Variants in SMCO1 observed in about 807,000 individuals in gnomAD.
SMCO1 encodes single-pass membrane and coiled-coil domain-containing protein 1.
SMCO1 carries 9 observed loss-of-function variants against 7.5 expected under a neutral mutation model. The observed-to-expected ratio is 1.20, with a 90% confidence interval of 0.72 to 2.09. The LOEUF (loss-of-function observed/expected upper bound fraction) is 2.09, where lower values mean the gene tolerates loss of function less well. SMCO1 is among the 30% of genes most tolerant of loss of function. The pLI is 0.00. For synonymous variants in SMCO1, 90 were observed against 93.8 expected (o/e 0.96, Z 0.23); for missense variants, 219 against 253.1 (o/e 0.87, Z 0.91).
chr3:196,514,073 C>T (rs980310331), intron 1 of SMCO1, among the ~76,000 whole-genome samples: 3 of 152,214 alleles, frequency 2.0e-5, no homozygotes, highest in Non-Finnish European at 2.9e-5. Flanking sequence ...ACTGGACCCC[C>T]GTTTTCCATT....
chr3:196,520,454 A>C, the SMCO1 span, among the ~76,000 whole-genome samples: 2 of 150,678 alleles, frequency 1.3e-5, no homozygotes, highest in African/African-American at 2.4e-5. Flanking sequence ...CTCATCCAGA[A>C]CCCCCTCCAA....
chr3:196,516,089 A>C (rs1733385039), upstream of SMCO1, among the ~76,000 whole-genome samples: 1 of 141,184 alleles, frequency 7.1e-6, no homozygotes, highest in South Asian at 2.2e-4. Context: ...ATCGTATATA[A>C]AATATATATA....
chr3:196,519,364 C>G (rs1207620909), upstream of SMCO1, among the ~76,000 whole-genome samples: 1 of 152,216 alleles, frequency 6.6e-6, no homozygotes, highest in Non-Finnish European at 1.5e-5. Flanking sequence ...TAGAAATCCC[C>G]TCTGTAAGAC....
chr3:196,520,586 A>G, the SMCO1 span, among the ~76,000 whole-genome samples: 4 of 152,110 alleles, frequency 2.6e-5, no homozygotes, highest in African/African-American at 9.7e-5. Context: ...TTCCCTTCTC[A>G]TTACAGGATC....
At chr3:196,514,972 C>T in intron 1 of SMCO1, 188 bp downstream of exon 1, 1 of 655,042 alleles carries the variant, frequency 1.5e-6, no homozygotes, top group South Asian at 1.8e-5. Flanking sequence ...AATCTCTTGA[C>T]CCTGTGATCC....
chr3:196,519,387 T>A (rs1385585962), upstream of SMCO1, among the ~76,000 whole-genome samples: 1 of 152,268 alleles, frequency 6.6e-6, no homozygotes, highest in African/African-American at 2.4e-5. Context: ...GTTGGTCCAC[T>A]GTAGCTTCCC....
intron 2 of SMCO1, among the ~76,000 whole-genome samples, chr3:196,509,041 G>A (rs1733138076): frequency 6.6e-6 from 1 of 151,094 alleles, no homozygotes; most frequent in African/African-American, 2.4e-5. Context: ...ATAAAGAGAT[G>A]CTCAAATTAA....
In SMCO1 at chr3:196,509,626, G is replaced by A. The variant is rs752508521; in HGVS notation, c.94C>T (p.Leu32=). The stretch of plus-strand genomic sequence containing the variant: ...ATCAGGTTATCCTTGGTGAAGTCTA[G>A]TTCTTTGAACTGTGTTTCTAACGCT... ...LQALETQFKE[L]DFTKDNLMQK... Residue 32 remains leucine (L), a synonymous_variant, in exon 2 of 3, where the codon CTA becomes TTA. Coordinates refer to ENST00000397537, the MANE Select transcript of SMCO1 (RefSeq NM_001077657.3). 1.9e-6 allele frequency: 3 copies of A among 1,614,066 alleles called. No individual in the cohort carries two copies. The highest frequency in any genetic ancestry group is 2.5e-6 in the Non-Finnish European group (3 of 1,179,972).
upstream of SMCO1, among the ~76,000 whole-genome samples, chr3:196,518,794 C>T (rs904630845): frequency 7.2e-5 from 11 of 152,182 alleles, no homozygotes; most frequent in South Asian, 2.1e-4. Flanking sequence ...CATCCATCAG[C>T]CAGTTAAAGA....
At chr3:196,508,672 C>T (rs945843916) in intron 2 of SMCO1, among the ~76,000 whole-genome samples, 4 of 147,522 alleles carry the variant, frequency 2.7e-5, no homozygotes, top group African/African-American at 7.5e-5. Context: ...GCGTGGTGCT[C>T]ACGCCTGTAA....
rs376283410 is a variant in SMCO1 at position 196,507,910 on chromosome 3, A to G, written c.622T>C (p.Leu208=). 5.0e-6 allele frequency: 8 copies of G among 1,612,208 alleles called. No homozygotes were observed. The highest frequency in any genetic ancestry group is 6.8e-6 in the Non-Finnish European group (8 of 1,179,064). The change falls in exon 3 of 3, where the codon TTG becomes CTG. Residue 208 remains leucine, a synonymous_variant. Coordinates refer to ENST00000397537, the MANE Select transcript of SMCO1 (RefSeq NM_001077657.3). ...GGTTAGTTTTTGACAGATGGTATCAACTCTTCGAGGGATGACTTTTGCTTT... is the reference window on the plus strand; with the variant it reads ...GGTTAGTTTTTGACAGATGGTATCAGCTCTTCGAGGGATGACTTTTGCTTT... ...PEKQKSSLEE[L]IPSVKN
At chr3:196,512,708 A>G (rs1380179235) in intron 1 of SMCO1, among the ~76,000 whole-genome samples, 1 of 151,676 alleles carries the variant, frequency 6.6e-6, no homozygotes, top group Non-Finnish European at 1.5e-5. Context: ...GGGTTTCACC[A>G]TGTTGGCCAG....
chr3:196,509,360 G>A (rs9865123), intron 2 of SMCO1, among the ~76,000 whole-genome samples, 160 bp downstream of exon 2: 3 of 151,716 alleles, frequency 2.0e-5, no homozygotes, highest in South Asian at 2.1e-4. Context: ...CACTGTGCCC[G>A]GCCAAATTAA....
chr3:196,515,298 T>C lies in SMCO1; in HGVS notation c.-89A>G. On this transcript the variant is annotated 5_prime_UTR_variant, in exon 1 of 3. Coordinates refer to ENST00000397537, the MANE Select transcript of SMCO1 (RefSeq NM_001077657.3). ...AATCCAGAATTTTCTGCGGTCTTCC[T>C]CTCAGCAACAGGCAGCAGTAGCAGG... 2 of 978,058 alleles carry C rather than the reference T, an allele frequency of 2.0e-6. No individual in the cohort carries two copies. Among genetic ancestry groups the C allele is most frequent in the Non-Finnish European group, 3.3e-6 (2 of 611,952 alleles). The allele number at this position is 978,058 out of a possible 1,614,324, so 60.6% of individuals were successfully genotyped here.
chr3:196,518,043 A>G (rs1221194462), upstream of SMCO1, among the ~76,000 whole-genome samples: 3 of 152,252 alleles, frequency 2.0e-5, no homozygotes, highest in African/African-American at 7.2e-5. Flanking sequence ...CCAATATGGC[A>G]GTTCCTGCTG....
chr3:196,514,059 C>T (rs955382479), intron 1 of SMCO1, among the ~76,000 whole-genome samples: 1 of 152,180 alleles, frequency 6.6e-6, no homozygotes, highest in African/African-American at 2.4e-5. Context: ...ATTACCGTAG[C>T]CTAACTGGAC....
chr3:196,516,932 C>G (rs34101983), upstream of SMCO1, among the ~76,000 whole-genome samples: 1 of 151,720 alleles, frequency 6.6e-6, no homozygotes, highest in Non-Finnish European at 1.5e-5. Flanking sequence ...AAACCCATCT[C>G]TACTAAAAAT....
At chr3:196,509,312 C>T (rs1429479201) in intron 2 of SMCO1, among the ~76,000 whole-genome samples, 1 of 151,490 alleles carries the variant, frequency 6.6e-6, no homozygotes, top group East Asian at 1.9e-4. Flanking sequence ...GATCCGCCCG[C>T]CTCGGCCTCC....
chr3:196,507,968 T>TA lies in SMCO1; in HGVS notation c.563dup (p.Ile189AsnfsTer2), dbSNP rs778331783. 1 of 1,614,160 alleles carries TA rather than the reference T, an allele frequency of 6.2e-7. No individual in the cohort carries two copies. Among genetic ancestry groups the TA allele is most frequent in the Non-Finnish European group, 8.5e-7 (1 of 1,180,030 alleles). On this transcript the variant is annotated frameshift_variant, in exon 3 of 3. Transcript: ENST00000397537. LOFTEE classifies it high-confidence loss of function. ...TCCTAACTGCTTTCCCCTTCTCAATTACCTGCACAGCCCTCAGCAAACTGT... is the reference window on the plus strand; with the variant it reads ...TCCTAACTGCTTTCCCCTTCTCAATTAACCTGCACAGCCCTCAGCAAACTGT...
Sources: allele counts gnomAD v4.1 joint callset (sites outside exome capture counted in the v4.1 genomes callset), GRCh38; gene constraint gnomAD v4.1.1; transcripts MANE v1.5; gene names NCBI Gene and HGNC (gene_info 2026-07-23, HGNC 2026-07-21).